The following SLC4A4 variants were observed in gnomAD, a reference collection of about 807,000 sequenced individuals.
The protein encoded by SLC4A4 is electrogenic sodium bicarbonate cotransporter 1.
Under a neutral mutation model 111.5 loss-of-function variants are expected in SLC4A4, and 27 were observed. That is an observed-to-expected ratio of 0.24 (90% confidence interval 0.18 to 0.33). SLC4A4 has a LOEUF of 0.33. Among genes scored for constraint, SLC4A4 ranks in the 10% least tolerant of loss-of-function variants. The pLI, the probability that SLC4A4 is intolerant of heterozygous loss-of-function variation, is 1.00. For synonymous variants in SLC4A4, 443 were observed against 463.4 expected (o/e 0.96, Z 0.57); for missense variants, 909 against 1,315.5 (o/e 0.69, Z 4.78).
In SLC4A4 at chr4:71,451,210, G is replaced by A. The variant is rs747499245; in HGVS notation, c.1231G>A (p.Glu411Lys). ...TAGAAAGAATATGTACTCAGGTGGA[G>A]AGAATGTTCAGATGAATGGGGATAC... is the stretch of plus-strand genomic sequence containing the variant. The part of the protein sequence containing the change: ...DKRKNMYSGG[E>K]NVQMNGDTPH... The change falls in exon 11 of 26, where the codon GAG becomes AAG. Residue 411 changes from glutamate to lysine, a missense_variant. This residue lies in a region of SLC4A4 where 312 missense variants were observed against 402.0 expected (regional missense o/e 0.78). Coordinates refer to ENST00000264485, the MANE Select transcript of SLC4A4 (RefSeq NM_001098484.3). 2 of 1,610,020 alleles carry A rather than the reference G, an allele frequency of 1.2e-6. No individual in the cohort carries two copies. The highest frequency in any genetic ancestry group is 1.3e-5 in the African/African-American group (1 of 74,970).
At chr4:71,092,268 G>T (rs2148941423) in intron 1 of SLC4A4, among the ~76,000 whole-genome samples, 1 of 150,458 alleles carries the variant, frequency 6.6e-6, no homozygotes, top group South Asian at 2.1e-4. Flanking sequence ...TTAACTTAGA[G>T]AAGTAAAATT....
At chr4:71,211,338 T>A (rs1200945952) in intron 1 of SLC4A4, among the ~76,000 whole-genome samples, 1 of 152,220 alleles carries the variant, frequency 6.6e-6, no homozygotes, top group Non-Finnish European at 1.5e-5. Context: ...GTCATCACCA[T>A]ACTTTATTTA....
chr4:71,340,948 A>G (rs1479847556), intron 4 of SLC4A4, among the ~76,000 whole-genome samples: 1 of 152,192 alleles, frequency 6.6e-6, no homozygotes, highest in Non-Finnish European at 1.5e-5. Context: ...TTTCTTTTAC[A>G]TACAGATTCA....
At chr4:71,292,993 C>A (rs1456156627) in intron 3 of SLC4A4, among the ~76,000 whole-genome samples, 1 of 151,168 alleles carries the variant, frequency 6.6e-6, no homozygotes. Flanking sequence ...AGGCACCTGC[C>A]ACTGCGCCCG....
At chr4:71,349,022 T>C (rs1408743195) in intron 4 of SLC4A4, among the ~76,000 whole-genome samples, 1 of 152,242 alleles carries the variant, frequency 6.6e-6, no homozygotes, top group Non-Finnish European at 1.5e-5. Context: ...AAAACGATGT[T>C]GCTTTCCCAT....
chr4:71,234,730 G>A (rs1236185363), intron 1 of SLC4A4, among the ~76,000 whole-genome samples: 1 of 152,112 alleles, frequency 6.6e-6, no homozygotes, highest in African/African-American at 2.4e-5. Context: ...CACCACGGCC[G>A]GCCTCAAATC....
intron 8 of SLC4A4, among the ~76,000 whole-genome samples, chr4:71,443,978 C>T (rs746580271): frequency 6.6e-6 from 1 of 152,104 alleles, no homozygotes; most frequent in Non-Finnish European, 1.5e-5. Context: ...TTGTGGTCCT[C>T]ATGAATCCAT....
intron 14 of SLC4A4, among the ~76,000 whole-genome samples, chr4:71,476,131 C>T (rs886439487): frequency 6.6e-6 from 1 of 151,742 alleles, no homozygotes; most frequent in Non-Finnish European, 1.5e-5. Context: ...ATGACAATTT[C>T]ATATTTAACA....
At chr4:71,519,947 G>A (rs920625051) in intron 16 of SLC4A4, among the ~76,000 whole-genome samples, 5 of 152,110 alleles carry the variant, frequency 3.3e-5, no homozygotes, top group Non-Finnish European at 5.9e-5. Flanking sequence ...ACTGCACCTG[G>A]CCAAGAATAT....
intron 6 of SLC4A4, among the ~76,000 whole-genome samples, chr4:71,395,737 A>G (rs1366826438): frequency 6.6e-6 from 1 of 152,188 alleles, no homozygotes; most frequent in Non-Finnish European, 1.5e-5. Flanking sequence ...ACTTTAGGCT[A>G]TTGGCTAGGA....
At chr4:71,478,159 G>T (rs1577999611) in intron 14 of SLC4A4, among the ~76,000 whole-genome samples, 1 of 151,940 alleles carries the variant, frequency 6.6e-6, no homozygotes, top group Non-Finnish European at 1.5e-5. Context: ...TCACACTGTT[G>T]GTGGGAGTGT....
chr4:71,535,470 A>G (rs1167913525), intron 18 of SLC4A4, among the ~76,000 whole-genome samples: 1 of 152,160 alleles, frequency 6.6e-6, no homozygotes, highest in African/African-American at 2.4e-5. Flanking sequence ...CTTTGGTCAA[A>G]GAAGAGATGT....
chr4:71,092,829 G>A (rs566806861), intron 2 of SLC4A4, among the ~76,000 whole-genome samples: 1 of 152,202 alleles, frequency 6.6e-6, no homozygotes, highest in African/African-American at 2.4e-5. Flanking sequence ...GGGTACAGTG[G>A]CTCACGCCTG....
chr4:71,379,825 G>GT lies in SLC4A4; in HGVS notation c.731-17742dup, dbSNP rs916483606. On this transcript the variant is annotated intron_variant, in intron 6 of 25. Transcript: ENST00000264485. The stretch of plus-strand genomic sequence containing the variant: ...TAGATTTCTTTATTTGTATGAATTA[G>GT]TTTTTTTTTTCTGGTGGTGGTGATG... 7.1e-4 allele frequency among the ~76,000 whole-genome samples: 107 copies of GT among 149,724 alleles called. 1 individual carries two copies. The highest frequency in any genetic ancestry group is 4.2e-3 in the Admixed American group (63 of 14,994).
chr4:71,091,030 C>T (rs567878913), intron 1 of SLC4A4, among the ~76,000 whole-genome samples: 2 of 152,286 alleles, frequency 1.3e-5, no homozygotes, highest in African/African-American at 2.4e-5. Context: ...TGCCTGTAAC[C>T]TCTGCCTCCT....
At chr4:71,329,462 T>C (rs1320857160) in intron 3 of SLC4A4, among the ~76,000 whole-genome samples, 1 of 152,212 alleles carries the variant, frequency 6.6e-6, no homozygotes, top group East Asian at 1.9e-4. Context: ...ACATGGAATA[T>C]CTTTCCATTT....
At chr4:71,469,268 GTAT>G (rs1241672956) in intron 13 of SLC4A4, among the ~76,000 whole-genome samples, 2 of 151,862 alleles carry the variant, frequency 1.3e-5, no homozygotes, top group Non-Finnish European at 2.9e-5. Context: ...ATTTTAACTT[GTAT>G]TATTATCATT....
chr4:71,491,172 T>C (rs1049413487), intron 15 of SLC4A4, among the ~76,000 whole-genome samples: 4 of 151,820 alleles, frequency 2.6e-5, no homozygotes, highest in Admixed American at 2.6e-4. Flanking sequence ...GTAACTCAAA[T>C]GCATGCTGTA....
chr4:71,245,745 G>A (rs1720609404), intron 2 of SLC4A4, among the ~76,000 whole-genome samples: 1 of 152,080 alleles, frequency 6.6e-6, no homozygotes, highest in Admixed American at 6.6e-5. Context: ...CATATAGCTA[G>A]CATTTAAAGC....
Sources: gnomAD v4.1 joint callset for allele counts (sites outside exome capture counted in the v4.1 genomes callset) on GRCh38, gnomAD v4.1.1 for gene constraint, gnomAD v4.1.1 regional missense constraint, MANE v1.5 for transcripts, NCBI Gene and HGNC (gene_info 2026-07-23, HGNC 2026-07-21) for gene names.